ZYX: variants seen among roughly 807,000 people sequenced by gnomAD.
ZYX encodes the protein zyxin, also known as zyxin-2.
A neutral mutation model predicts 58.1 loss-of-function variants in ZYX; 37 were observed. That is an observed-to-expected ratio of 0.64 (90% CI 0.49 to 0.84). The LOEUF (loss-of-function observed/expected upper bound fraction) is 0.84. ZYX is among the 40% of genes least tolerant of loss of function. The probability of loss-of-function intolerance (pLI) is 0.00; values close to 1 mark genes in which losing one functional copy is unlikely to be tolerated. For synonymous variants in ZYX, 324 were observed against 321.1 expected, an observed-to-expected ratio of 1.01 and a Z score of -0.10; for missense variants, 762 against 761.6, an observed-to-expected ratio of 1.00 and a Z score of -0.01.
Position 143,382,994 on chromosome 7 carries a change from C to G in ZYX, c.695C>G (p.Pro232Arg). Residue 232 changes from proline (P) to arginine (R), a missense_variant, in exon 5 of 10, where the codon CCT becomes CGT. Pro to Arg is a moderately radical substitution (Grantham distance 103, BLOSUM62 -2). Coordinates refer to ENST00000322764, the MANE Select transcript of ZYX (RefSeq NM_003461.5). The part of the protein sequence containing the change: ...FHVQPQPQPK[P>R]QVQLHVQSQT... The stretch of plus-strand genomic sequence containing the variant: ...GTTCAGCCCCAGCCCCAGCCCAAGC[C>G]TCAGGTCCAACTCCATGTCCAGTCC... The G allele has an allele frequency of 6.2e-7, 1 of 1,613,750 alleles. No individual in the cohort carries two copies. Among genetic ancestry groups the G allele is most frequent in the Non-Finnish European group, 8.5e-7 (1 of 1,179,770 alleles).
At position 143,390,100 on chromosome 7, in the gene ZYX, G is replaced by C; in HGVS notation, c.1614+123G>C. The stretch of plus-strand genomic sequence containing the variant: ...AAACAGGGCTGTGATTTTGAGGGTG[G>C]CTCATGGTGGCACCCCATCTGTCCT... On this transcript the variant is annotated intron_variant, in intron 9 of 9. Coordinates refer to ENST00000322764, the MANE Select transcript of ZYX (RefSeq NM_003461.5). This position sits in a 1 kb window ranked among gnomAD's most constrained non-coding sequence, Gnocchi z 4.3. The C allele has an allele frequency of 3.6e-6, 5 of 1,371,882 alleles. No homozygotes were observed. The highest frequency in any genetic ancestry group is 4.0e-6 in the Non-Finnish European group (4 of 994,742). 85.0% of individuals were successfully genotyped at this position (1,371,882 alleles called of 1,614,324 possible). A position where few individuals can be genotyped will look rare whatever the true frequency, so the allele number is the denominator to read the frequency against.
chr7:143,386,080 T>C (rs1804855554), intron 5 of ZYX, among the ~76,000 whole-genome samples: 1 of 151,710 alleles, frequency 6.6e-6, no homozygotes, highest in African/African-American at 2.4e-5. Context: ...TGTGTGTGCA[T>C]GTGAGTGGTA....
In ZYX at chr7:143,388,064, T is replaced by G. The variant is rs548000008; in HGVS notation, c.1024-155T>G. The G allele has an allele frequency of 4.9e-6, 4 of 818,042 alleles. No individual in the cohort carries two copies. The highest frequency in any genetic ancestry group is 7.6e-6 in the Non-Finnish European group (4 of 526,582). The allele number at this position is 818,042 out of a possible 1,614,324, so 50.7% of individuals were successfully genotyped here. ...TGTGTGGTGCTGGGGATGGCGGGGG[T>G]AGGGGGACGAGGGAGAAGCTTTAAG... is the stretch of plus-strand genomic sequence containing the variant. On this transcript the variant is annotated intron_variant, in intron 5 of 9. Transcript: ENST00000322764. This position sits in a 1 kb window ranked among gnomAD's most constrained non-coding sequence, Gnocchi z 7.5.
rs576002541 is a variant in ZYX, at chr7:143,382,352, C to T, written c.313C>T (p.Pro105Ser). ...CCCTCCCCCGATCGAGGAATCATTTCCCCCTGCGCCTCTGGAGGAGGAGAT... is the reference window on the plus strand; with the variant it reads ...CCCTCCCCCGATCGAGGAATCATTTTCCCCTGCGCCTCTGGAGGAGGAGAT... ...PPPPPIEESF[P>S]PAPLEEEIFP... Residue 105 changes from proline to serine, a missense_variant, in exon 3 of 10, where the codon CCC becomes TCC. Transcript: ENST00000322764. The T allele has an allele frequency of 1.0e-5, 16 of 1,599,044 alleles. 1 individual carries two copies. The East Asian group carries it at 1.6e-4, about 16-fold the overall frequency.
rs758978191 is a variant in ZYX, at chr7:143,384,243, C to T, written c.1023+921C>T. On this transcript the variant is annotated intron_variant, in intron 5 of 9. Transcript: ENST00000322764. This position sits in a 1 kb window ranked among gnomAD's most constrained non-coding sequence, Gnocchi z 4.9. ...CAAGGGCCAGTGAGCTTTGCAGAAT[C>T]CTGTGAGTCACAGGCACTCAGACCA... 5 of 471,556 alleles carry T rather than the reference C, an allele frequency of 1.1e-5. No homozygotes were observed. Among genetic ancestry groups the T allele is most frequent in the Non-Finnish European group, 1.8e-5 (4 of 227,182 alleles). 29.2% of individuals were successfully genotyped at this position (471,556 alleles called of 1,614,324 possible).
At position 143,390,989 on chromosome 7, in the gene ZYX, C is replaced by G; in HGVS notation, c.*307C>G. On this transcript the variant is annotated 3_prime_UTR_variant, in exon 10 of 10. Transcript: ENST00000322764. This position sits in a 1 kb window ranked among gnomAD's most constrained non-coding sequence, Gnocchi z 4.3. ...CTGCACCCGCGCCCTCGGCCGGCCC[C>G]CCGAGCAGCCTTTGTACTCTGCTTG... 2.5e-6 allele frequency: 1 copy of G among 401,874 alleles called. No homozygotes were observed. Among genetic ancestry groups the G allele is most frequent in the Non-Finnish European group, 4.6e-6 (1 of 217,440 alleles). The allele number at this position is 401,874 out of a possible 1,614,324, so 24.9% of individuals were successfully genotyped here.
intron 2 of ZYX, chr7:143,382,042 A>G: frequency 3.3e-6 from 2 of 604,344 alleles, no homozygotes; most frequent in Admixed American, 3.2e-5. Context: ...TCCGAAGTGT[A>G]ACGGGAGCTG....
At position 143,381,377 on chromosome 7, in the gene ZYX, A is replaced by T. The variant is rs1438239350; in HGVS notation, c.-48A>T. ...CTGCGGACCCGGCGCCGAGGCGGCCACCCGAGACGCGGCGCGCACGCTCCG... is the reference window on the plus strand; with the variant it reads ...CTGCGGACCCGGCGCCGAGGCGGCCTCCCGAGACGCGGCGCGCACGCTCCG... On this transcript the variant is annotated 5_prime_UTR_variant, in exon 1 of 10. Transcript: ENST00000322764. 41 of 1,171,610 alleles carry T rather than the reference A, an allele frequency of 3.5e-5. No individual in the cohort carries two copies. Among genetic ancestry groups the T allele is most frequent in the Non-Finnish European group, 4.2e-5 (40 of 947,684 alleles). 72.6% of individuals were successfully genotyped at this position (1,171,610 alleles called of 1,614,324 possible).
In ZYX at chr7:143,382,630, ACT is replaced by A. The variant is rs1238670503; in HGVS notation, c.451_452del (p.Leu151ValfsTer6). Reference sequence around the variant, plus strand: ...GTGAGCAGTATTGATTTGGAGATCGACTCTCTGTCCTCACTGCTGGATGACAT... The same window carrying A: ...GTGAGCAGTATTGATTTGGAGATCGACTCTGTCCTCACTGCTGGATGACAT... On this transcript the variant is annotated frameshift_variant, in exon 4 of 10. Transcript: ENST00000322764. LOFTEE classifies it high-confidence loss of function. The A allele has an allele frequency of 1.2e-6, 2 of 1,613,612 alleles. No individual in the cohort carries two copies. Among genetic ancestry groups the A allele is most frequent in the African/African-American group, 1.3e-5 (1 of 74,752 alleles).
chr7:143,382,360 G>A lies in ZYX; in HGVS notation c.321G>A (p.Ala107=), dbSNP rs746938055. Residue 107 remains alanine, a synonymous_variant, in exon 3 of 10, where the codon GCG becomes GCA. Coordinates refer to ENST00000322764, the MANE Select transcript of ZYX (RefSeq NM_003461.5). The part of the protein sequence containing the change: ...PPPIEESFPP[A]PLEEEIFPSP... ...CGATCGAGGAATCATTTCCCCCTGC[G>A]CCTCTGGAGGAGGAGATCTTCCCTT... 2 of 1,596,184 alleles carry A rather than the reference G, an allele frequency of 1.3e-6. No homozygotes were observed. The highest frequency in any genetic ancestry group is 8.5e-7 in the Non-Finnish European group (1 of 1,170,306).
chr7:143,383,309 A>G lies in ZYX; in HGVS notation c.1010A>G (p.Gln337Arg), dbSNP rs748695048. 1 of 1,605,082 alleles carries G rather than the reference A, an allele frequency of 6.2e-7. No homozygotes were observed. Among genetic ancestry groups the G allele is most frequent in the Non-Finnish European group, 8.5e-7 (1 of 1,176,214 alleles). The change falls in exon 5 of 10, where the codon CAG (glutamine) becomes CGG (arginine). Residue 337 changes from glutamine (Q) to arginine (R), a missense_variant. Coordinates refer to ENST00000322764, the MANE Select transcript of ZYX (RefSeq NM_003461.5). Reference protein sequence around the residue: ...EKQHPVPPPAQNQNQVRSPGA... With the variant: ...EKQHPVPPPARNQNQVRSPGA... ...CAGCACCCCGTGCCCCCACCGGCTC[A>G]GAACCAAAACCAGGTGAGGGATGGT...
Position 143,382,381 on chromosome 7 carries a change from C to G in ZYX, c.342C>G (p.Phe114Leu). ...CTGCGCCTCTGGAGGAGGAGATCTT[C>G]CCTTCCCCGCCGCCTCCTCCGGAGG... is the stretch of plus-strand genomic sequence containing the variant. ...FPPAPLEEEI[F>L]PSPPPPPEEE... is the part of the protein sequence containing the mutation. Residue 114 changes from phenylalanine to leucine, a missense_variant, in exon 3 of 10, where the codon TTC (phenylalanine) becomes TTG (leucine). Transcript: ENST00000322764. 6.3e-7 allele frequency: 1 copy of G among 1,581,958 alleles called. No individual in the cohort carries two copies. Among genetic ancestry groups the G allele is most frequent in the Non-Finnish European group, 8.6e-7 (1 of 1,164,216 alleles).
chr7:143,390,542 TC>T lies in ZYX; in HGVS notation c.1615-34del, dbSNP rs1805032169. On this transcript the variant is annotated intron_variant, in intron 9 of 9. Coordinates refer to ENST00000322764, the MANE Select transcript of ZYX (RefSeq NM_003461.5). The surrounding 1 kb of genome is among the most constrained non-coding windows in gnomAD (Gnocchi z 4.3). Reference sequence around the variant, plus strand: ...GTAGGGTGGAGCAGAGCAGGGGCCTTCCGGTCCAGTGCCCCTCACCCTTCCT... The same window carrying T: ...GTAGGGTGGAGCAGAGCAGGGGCCTTCGGTCCAGTGCCCCTCACCCTTCCT... 6.7e-7 allele frequency: 1 copy of T among 1,495,536 alleles called. No individual in the cohort carries two copies. Among genetic ancestry groups the T allele is most frequent in the Non-Finnish European group, 9.1e-7 (1 of 1,096,976 alleles). 92.6% of individuals were successfully genotyped at this position (1,495,536 alleles called of 1,614,324 possible).
rs1478002065 is a variant in ZYX at position 143,387,547 on chromosome 7, G to A, written c.1024-672G>A. ...TCCTTAACATCCACCCCCCACTCCA[G>A]TCCCCGGGATCCCCTAAATGGGAAG... On this transcript the variant is annotated intron_variant, in intron 5 of 9. Coordinates refer to ENST00000322764, the MANE Select transcript of ZYX (RefSeq NM_003461.5). This position sits in a 1 kb window ranked among gnomAD's most constrained non-coding sequence, Gnocchi z 5.8. 2.6e-5 allele frequency among the ~76,000 whole-genome samples: 4 copies of A among 152,270 alleles called. No homozygotes were observed. The highest frequency in any genetic ancestry group is 4.1e-4 in the South Asian group (2 of 4,834).
In ZYX at chr7:143,390,156, G is replaced by A. The variant is rs967896471; in HGVS notation, c.1614+179G>A. On this transcript the variant is annotated intron_variant, in intron 9 of 9. Transcript: ENST00000322764. This position sits in a 1 kb window ranked among gnomAD's most constrained non-coding sequence, Gnocchi z 4.3. The stretch of plus-strand genomic sequence containing the variant: ...AATGCTTCCTGCCACTGCAGGAAAT[G>A]GGGCTGTGGGGCTTCTGAGGTCACT... 4 of 812,428 alleles carry A rather than the reference G, an allele frequency of 4.9e-6. No homozygotes were observed. The highest frequency in any genetic ancestry group is 2.9e-5 in the Admixed American group (1 of 35,054). The allele number at this position is 812,428 out of a possible 1,614,324, so 50.3% of individuals were successfully genotyped here.
At chr7:143,383,643 G>C (rs1804750809) in intron 5 of ZYX, among the ~76,000 whole-genome samples, 1 of 152,226 alleles carries the variant, frequency 6.6e-6, no homozygotes, top group African/African-American at 2.4e-5. Flanking sequence ...GGAGGGATGA[G>C]ATCACCAGTT....
In ZYX at chr7:143,381,659, G is replaced by T. The variant is rs1804591567; in HGVS notation, c.88G>T (p.Val30Leu). ...CCCGCAGAAGAAGTTCGGCCCTGTG[G>T]TGGCCCCAAAGCCCAAAGTGAATCC... ...YAPQKKFGPVVAPKPKVNPFR... is the reference protein window; with the variant it reads ...YAPQKKFGPVLAPKPKVNPFR... The change falls in exon 2 of 10, where the codon GTG (valine) becomes TTG (leucine). Residue 30 changes from valine to leucine, a missense_variant. Physicochemically the swap from Val to Leu is conservative, Grantham distance 32 (BLOSUM62 1). Transcript: ENST00000322764. 1 of 1,612,028 alleles carries T rather than the reference G, an allele frequency of 6.2e-7. No homozygotes were observed. Among genetic ancestry groups the T allele is most frequent in the Non-Finnish European group, 8.5e-7 (1 of 1,179,574 alleles).
Position 143,390,045 on chromosome 7 carries a change from A to C in ZYX, c.1614+68A>C, listed in dbSNP as rs1805013617. On this transcript the variant is annotated intron_variant, in intron 9 of 9. Coordinates refer to ENST00000322764, the MANE Select transcript of ZYX (RefSeq NM_003461.5). The surrounding 1 kb of genome is among the most constrained non-coding windows in gnomAD (Gnocchi z 4.3). ...AGGTGGCGGGAGATGCTGCTTACTAACTGGGAGGTGGAAAGCACCAGCATT... is the reference window on the plus strand; with the variant it reads ...AGGTGGCGGGAGATGCTGCTTACTACCTGGGAGGTGGAAAGCACCAGCATT... 1 of 1,588,808 alleles carries C rather than the reference A, an allele frequency of 6.3e-7. No individual in the cohort carries two copies. The highest frequency in any genetic ancestry group is 1.7e-4 in the Middle Eastern group (1 of 5,948).
rs1397691354 is a variant in ZYX at position 143,387,226 on chromosome 7, T to C, written c.1024-993T>C. On this transcript the variant is annotated intron_variant, in intron 5 of 9. Transcript: ENST00000322764. The surrounding 1 kb of genome is among the most constrained non-coding windows in gnomAD (Gnocchi z 5.8). ...CTTCACTGGGCAGAAAGGACGCAAC[T>C]CTGGGTACAGATGGGGGTCGGGGTG... 2.0e-5 allele frequency among the ~76,000 whole-genome samples: 3 copies of C among 151,904 alleles called. No homozygotes were observed. The highest frequency in any genetic ancestry group is 4.8e-5 in the African/African-American group (2 of 41,326).
Sources: gnomAD v4.1 joint callset for allele counts (sites outside exome capture counted in the v4.1 genomes callset) on GRCh38, gnomAD v4.1.1 for gene constraint, Gnocchi (gnomAD v3.1) non-coding constraint, MANE v1.5 for transcripts, NCBI Gene and HGNC (gene_info 2026-07-23, HGNC 2026-07-21) for gene names.